The following PCDHGB2 variants were observed in gnomAD, a reference collection of about 807,000 sequenced individuals.
The protein encoded by PCDHGB2 is protocadherin gamma subfamily B, 2.
Under a neutral mutation model 59.3 loss-of-function variants are expected in PCDHGB2, and 55 were observed. The observed-to-expected ratio is 0.93, with a 90% CI of 0.75 to 1.16. The LOEUF (loss-of-function observed/expected upper bound fraction) is 1.16, where lower values mean the gene tolerates loss of function less well. Ranked by LOEUF, PCDHGB2 falls within the 50% of genes most tolerant of loss-of-function variation. The pLI, the probability that PCDHGB2 is intolerant of heterozygous loss-of-function variation, is 0.00. For synonymous variants in PCDHGB2, 516 were observed against 512.0 expected (o/e 1.01, Z -0.11); for missense variants, 1,228 against 1,198.5 (o/e 1.02, Z -0.36).
intron 1 of PCDHGB2, among the ~76,000 whole-genome samples, chr5:141,472,742 T>C (rs926507203): frequency 2.0e-5 from 3 of 151,762 alleles, no homozygotes; most frequent in Non-Finnish European, 4.4e-5. Flanking sequence ...TCCCAGCACT[T>C]TGGGAGGCGG....
At position 141,361,405 on chromosome 5, in the gene PCDHGB2, G is replaced by A. The variant is rs1762001636; in HGVS notation, c.1270G>A (p.Ala424Thr). Residue 424 changes from alanine (A) to threonine (T), a missense_variant, in exon 1 of 4, where the codon GCC becomes ACC. Ala to Thr is a moderately conservative substitution (Grantham distance 58). This residue lies in a region of PCDHGB2 where 781 missense variants were observed against 721.6 expected (regional missense o/e 1.08). Coordinates refer to ENST00000522605, the MANE Select transcript of PCDHGB2 (RefSeq NM_018923.3). ...CCCAGAATACAATCTCACCATCACA[G>A]CCACCGACGGGGGCAAGCCGCCCCT... ...EIPEYNLTIT[A>T]TDGGKPPLSS... The A allele has an allele frequency of 6.2e-7, 1 of 1,613,928 alleles. No individual in the cohort carries two copies. Among genetic ancestry groups the A allele is most frequent in the African/African-American group, 1.3e-5 (1 of 74,948 alleles).
Position 141,361,518 on chromosome 5 carries a change from G to A in PCDHGB2, c.1383G>A (p.Val461=), listed in dbSNP as rs537842997. ...VFQQTSYMVH[V]AENNPPGASI... Reference sequence around the variant, plus strand: ...AACAGACTTCCTACATGGTTCACGTGGCAGAGAACAATCCTCCTGGCGCCT... The same window carrying A: ...AACAGACTTCCTACATGGTTCACGTAGCAGAGAACAATCCTCCTGGCGCCT... Residue 461 remains valine, a synonymous_variant, in exon 1 of 4, where the codon GTG becomes GTA. Transcript: ENST00000522605. 26 of 1,614,022 alleles carry A rather than the reference G, an allele frequency of 1.6e-5. No homozygotes were observed. The South Asian group carries it at 2.6e-4, about 16-fold the overall frequency.
At chr5:141,413,199 A>T in intron 1 of PCDHGB2, 1 of 1,611,930 alleles carries the variant, frequency 6.2e-7, no homozygotes, top group Non-Finnish European at 8.5e-7. Flanking sequence ...GGAATCGCTC[A>T]AAGGAATCAA....
At position 141,361,214 on chromosome 5, in the gene PCDHGB2, C is replaced by A; in HGVS notation, c.1079C>A (p.Ser360Ter). The change falls in exon 1 of 4, where the codon TCG becomes TAG. Residue 360 changes from serine (S) to a stop codon, truncating the protein, a stop_gained. Coordinates refer to ENST00000522605, the MANE Select transcript of PCDHGB2 (RefSeq NM_018923.3). LOFTEE classifies it high-confidence loss of function. Reference protein sequence around the residue: ...TSVSTPLPEDSPPGTVIALIK... With the variant: ...TSVSTPLPED ...GTATCTACTCCCCTACCGGAGGATT[C>A]GCCACCAGGAACAGTGATCGCCTTG... The A allele has an allele frequency of 6.2e-7, 1 of 1,613,912 alleles. No homozygotes were observed. Among genetic ancestry groups the A allele is most frequent in the Non-Finnish European group, 8.5e-7 (1 of 1,179,872 alleles).
At position 141,484,932 on chromosome 5, in the gene PCDHGB2, C is replaced by T. The variant is rs1594431677; in HGVS notation, c.2422-9875C>T. On this transcript the variant is annotated intron_variant, in intron 1 of 3. Coordinates refer to ENST00000522605, the MANE Select transcript of PCDHGB2 (RefSeq NM_018923.3). ...CGCATTAACCCTGCTGCTGTTGGGA[C>T]GTTCTCTGCTCAGCCTATTGGCTGA... 1.2e-5 allele frequency: 6 copies of T among 501,356 alleles called. No individual in the cohort carries two copies. The East Asian group carries it at 1.4e-4, about 12-fold the overall frequency. 31.1% of individuals were successfully genotyped at this position (501,356 alleles called of 1,614,324 possible).
chr5:141,438,344 C>A (rs1591501799), intron 1 of PCDHGB2, among the ~76,000 whole-genome samples: 1 of 151,664 alleles, frequency 6.6e-6, no homozygotes, highest in African/African-American at 2.4e-5. Flanking sequence ...ATATAAGGAT[C>A]TACTCTGTGT....
intron 1 of PCDHGB2, chr5:141,414,525 T>C (rs1413988459): frequency 1.2e-6 from 2 of 1,613,972 alleles, no homozygotes; most frequent in South Asian, 1.1e-5. Flanking sequence ...CAGATATCAA[T>C]GACAACCCAC....
At chr5:141,438,249 A>G (rs1166079222) in intron 1 of PCDHGB2, among the ~76,000 whole-genome samples, 2 of 152,168 alleles carry the variant, frequency 1.3e-5, no homozygotes, top group Non-Finnish European at 2.9e-5. Context: ...AAAAACTGTC[A>G]TTGAAGAGAC....
In PCDHGB2 at chr5:141,370,651, T is replaced by G. The variant is rs779641933; in HGVS notation, c.2421+8095T>G. On this transcript the variant is annotated intron_variant, in intron 1 of 3. Coordinates refer to ENST00000522605, the MANE Select transcript of PCDHGB2 (RefSeq NM_018923.3). Reference sequence around the variant, plus strand: ...AGCCCCGAAAATGGGAACTTACTTGTGAGCGACCGTATAGACCGAGAGGAG... The same window carrying G: ...AGCCCCGAAAATGGGAACTTACTTGGGAGCGACCGTATAGACCGAGAGGAG... 4.3e-6 allele frequency: 7 copies of G among 1,613,800 alleles called. No homozygotes were observed. In the South Asian group the frequency reaches 7.7e-5, roughly 18 times the overall value.
intron 1 of PCDHGB2, chr5:141,427,247 T>C (rs1409945260): frequency 2.2e-6 from 1 of 456,582 alleles, no homozygotes; most frequent in Non-Finnish European, 4.4e-6. Context: ...AAGCTAAGGA[T>C]GGTGGAGGCA....
intron 1 of PCDHGB2, chr5:141,378,252 C>A (rs939045432): frequency 6.6e-6 from 1 of 152,178 alleles, no homozygotes; most frequent in Admixed American, 6.5e-5. Context: ...TGGCCGGGTG[C>A]GGTGGCTCAT....
intron 3 of PCDHGB2, 61 bp downstream of exon 3, chr5:141,505,542 A>G (rs2099846540): frequency 6.2e-7 from 1 of 1,604,832 alleles, no homozygotes; most frequent in African/African-American, 1.3e-5. Context: ...GGTGCATCTC[A>G]CAGCCACCAT....
intron 1 of PCDHGB2, among the ~76,000 whole-genome samples, chr5:141,400,862 A>C (rs1239905125): frequency 6.6e-6 from 1 of 152,224 alleles, no homozygotes; most frequent in African/African-American, 2.4e-5. Context: ...TTGTATGTAG[A>C]TAAACCATTA....
intron 1 of PCDHGB2, among the ~76,000 whole-genome samples, chr5:141,433,752 G>A (rs975941520): frequency 6.6e-6 from 1 of 151,206 alleles, no homozygotes; most frequent in Non-Finnish European, 1.5e-5. Context: ...CAGGAGAATT[G>A]CTTTAACCTG....
At chr5:141,501,147 G>A (rs1166199034) in intron 2 of PCDHGB2, among the ~76,000 whole-genome samples, 1 of 152,142 alleles carries the variant, frequency 6.6e-6, no homozygotes, top group Non-Finnish European at 1.5e-5. Context: ...GATTACAGGT[G>A]GGAGCCACCA....
intron 1 of PCDHGB2, chr5:141,377,329 A>G (rs2150108230): frequency 6.6e-6 from 1 of 152,270 alleles, no homozygotes; most frequent in South Asian, 2.1e-4. Flanking sequence ...GGTTTTAGCT[A>G]GCATGGTGGT....
At chr5:141,423,631 T>G (rs1452661307) in intron 1 of PCDHGB2, 2 of 1,603,990 alleles carry the variant, frequency 1.2e-6, no homozygotes, top group African/African-American at 2.7e-5. Flanking sequence ...AGCTATCATT[T>G]TAGGCAAATG....
In PCDHGB2 at chr5:141,432,976, C is replaced by A. The variant is rs373558125; in HGVS notation, c.2422-61831C>A. The stretch of plus-strand genomic sequence containing the variant: ...GCTTGACAGGAGCGCCGGCGTCGCA[C>A]TTTGTGGGCGTGGACGGGGTGCAGG... On this transcript the variant is annotated intron_variant, in intron 1 of 3. Coordinates refer to ENST00000522605, the MANE Select transcript of PCDHGB2 (RefSeq NM_018923.3). This position sits in a 1 kb window ranked among gnomAD's most constrained non-coding sequence, Gnocchi z 6.0. 1 of 1,614,210 alleles carries A rather than the reference C, an allele frequency of 6.2e-7. No individual in the cohort carries two copies.
intron 1 of PCDHGB2, chr5:141,479,750 G>T: frequency 6.6e-6 from 1 of 152,310 alleles, no homozygotes. Context: ...CAATGTGAAA[G>T]GTAGATAAAT....
Sources: allele counts gnomAD v4.1 joint callset (sites outside exome capture counted in the v4.1 genomes callset), GRCh38; gene constraint gnomAD v4.1.1; regional missense constraint gnomAD v4.1.1; non-coding constraint Gnocchi (gnomAD v3.1); transcripts MANE v1.5; gene names NCBI Gene and HGNC (gene_info 2026-07-23, HGNC 2026-07-21).